The following TDP1 variants were observed in gnomAD, a reference collection of about 807,000 sequenced individuals.
TDP1 encodes the protein tyr-DNA phosphodiesterase 1.
In TDP1, 64 loss-of-function variants were observed where a neutral mutation model predicts 81.5. The observed-to-expected ratio is 0.79, with a 90% CI of 0.64 to 0.97. TDP1 has a LOEUF of 0.97. Among genes scored for constraint, TDP1 ranks in the 50% least tolerant of loss-of-function variants. The pLI, the probability that TDP1 is intolerant of heterozygous loss-of-function variation, is 0.00. For missense variants in TDP1, 723 were observed against 743.8 expected (o/e 0.97, Z 0.33); for synonymous variants, 256 against 264.3 (o/e 0.97, Z 0.30).
intron 16 of TDP1, among the ~76,000 whole-genome samples, chr14:90,038,079 G>A (rs1355852684): frequency 6.6e-6 from 1 of 152,178 alleles, no homozygotes; most frequent in Non-Finnish European, 1.5e-5. Flanking sequence ...ATATCAGGAG[G>A]CACATCCTAT....
intron 3 of TDP1, chr14:89,965,736 T>G: frequency 3.1e-6 from 3 of 982,922 alleles, no homozygotes; most frequent in Non-Finnish European, 3.6e-6. Flanking sequence ...TTCTAAACTG[T>G]CCACATTTAT....
At chr14:90,028,954 A>G (rs2140305584) in intron 15 of TDP1, among the ~76,000 whole-genome samples, 1 of 152,284 alleles carries the variant, frequency 6.6e-6, no homozygotes, top group East Asian at 1.9e-4. Context: ...AAACTCCATA[A>G]AAGTATAATA....
At chr14:90,000,115 T>G (rs1897062152) in intron 14 of TDP1, among the ~76,000 whole-genome samples, 1 of 152,160 alleles carries the variant, frequency 6.6e-6, no homozygotes, top group African/African-American at 2.4e-5. Context: ...CCTGCTTTCT[T>G]GTTGGCTGTC....
At chr14:90,042,872 T>C (rs1012152527) in intron 16 of TDP1, 198 bp from the exon 17 acceptor site, 99 of 985,276 alleles carry the variant, frequency 1.0e-4, no homozygotes, top group Non-Finnish European at 1.1e-4. Flanking sequence ...TCATTCCCCA[T>C]GTTCACTCAC....
At chr14:89,986,452 AGTT>A (rs1895567767) in intron 10 of TDP1, among the ~76,000 whole-genome samples, 1 of 152,248 alleles carries the variant, frequency 6.6e-6, no homozygotes, top group Non-Finnish European at 1.5e-5. Context: ...GCACATACAC[AGTT>A]GTTTGTGGAC....
chr14:90,015,746 A>T (rs1053807645), intron 14 of TDP1, among the ~76,000 whole-genome samples: 1 of 152,116 alleles, frequency 6.6e-6, no homozygotes, highest in Non-Finnish European at 1.5e-5. Context: ...AGTCTCATTC[A>T]TGAGGACCCC....
At chr14:90,021,079 A>G (rs1886035707) in intron 15 of TDP1, among the ~76,000 whole-genome samples, 1 of 152,088 alleles carries the variant, frequency 6.6e-6, no homozygotes, top group Admixed American at 6.5e-5. Flanking sequence ...GGTGTGTGCC[A>G]CTGCTTAATC....
intron 4 of TDP1, 24 bp downstream of exon 4, chr14:89,966,214 T>C: frequency 6.5e-7 from 1 of 1,536,324 alleles, no homozygotes; most frequent in Non-Finnish European, 9.0e-7. Flanking sequence ...TAAGCTGTTT[T>C]TTCTTTGGGT....
rs34042183 is a variant in TDP1, at chr14:89,975,970, C to T, written c.791+155C>T. Among the ~76,000 whole-genome samples the T allele has an allele frequency of 0.038, 5,796 of 152,224 alleles. 372 individuals carry two copies. The highest frequency in any genetic ancestry group is 0.13 in the African/African-American group (5,436 of 41,514). On this transcript the variant is annotated intron_variant, in intron 7 of 16. Transcript: ENST00000335725. Reference sequence around the variant, plus strand: ...GGGGGAGCTATTCTTTTATTTAATGCTCTTATAAAAATTATTTGGTCTTTC... The same window carrying T: ...GGGGGAGCTATTCTTTTATTTAATGTTCTTATAAAAATTATTTGGTCTTTC...
rs12894462 is a variant in TDP1 at position 89,991,716 on chromosome 14, C to T, written c.1367-201C>T. On this transcript the variant is annotated intron_variant, in intron 12 of 16. Coordinates refer to ENST00000335725, the MANE Select transcript of TDP1 (RefSeq NM_018319.4). ...TTATAAGATTTGCATAAAGTTAATA[C>T]TGAAGGAAGGAAACCTCGTTAAGAG... 19,685 of 936,470 alleles carry T rather than the reference C, an allele frequency of 0.021. 252 individuals are homozygous for T. Among genetic ancestry groups the T allele is most frequent in the Non-Finnish European group, 0.024 (18,519 of 785,346 alleles). 58.0% of individuals were successfully genotyped at this position (936,470 alleles called of 1,614,324 possible).
Position 90,029,130 on chromosome 14 carries a change from T to C in TDP1, c.1645-3976T>C, listed in dbSNP as rs114570589. Among the ~76,000 whole-genome samples, 797 of 152,214 alleles carry C rather than the reference T, an allele frequency of 5.2e-3. 8 individuals are homozygous for C. Among genetic ancestry groups the C allele is most frequent in the African/African-American group, 0.019 (769 of 41,526 alleles). The stretch of plus-strand genomic sequence containing the variant: ...GGTGGTGAATGTGAGACCATTTGTT[T>C]GCTTGGTGGAAGGAATGTAGGACCA... On this transcript the variant is annotated intron_variant, in intron 15 of 16. Transcript: ENST00000335725.
intron 15 of TDP1, among the ~76,000 whole-genome samples, chr14:90,026,243 C>G (rs1013415140): frequency 2.0e-5 from 3 of 152,252 alleles, no homozygotes; most frequent in South Asian, 2.1e-4. Context: ...TCTTCTTCCT[C>G]CTGACACCAA....
At chr14:89,978,596 C>G (rs1239980107) in intron 7 of TDP1, among the ~76,000 whole-genome samples, 1 of 152,230 alleles carries the variant, frequency 6.6e-6, no homozygotes, top group African/African-American at 2.4e-5. Flanking sequence ...ACCTTATTAA[C>G]ACTACCATTT....
At chr14:89,962,062 G>A (rs925541007) in intron 2 of TDP1, among the ~76,000 whole-genome samples, 3 of 152,254 alleles carry the variant, frequency 2.0e-5, no homozygotes, top group Non-Finnish European at 2.9e-5. Context: ...TGACTGTTTC[G>A]TGTACTTTCC....
intron 6 of TDP1, among the ~76,000 whole-genome samples, chr14:89,971,737 T>C (rs1453111151): frequency 6.6e-6 from 1 of 152,228 alleles, no homozygotes. Context: ...AGTATGCCTG[T>C]TGAAACCTGG....
intron 14 of TDP1, among the ~76,000 whole-genome samples, chr14:90,002,230 A>G (rs571279852): frequency 6.6e-6 from 1 of 152,312 alleles, no homozygotes; most frequent in East Asian, 1.9e-4. Flanking sequence ...GGGTCCACAG[A>G]TGGTGACATT....
At chr14:90,033,525 C>A in intron 16 of TDP1, 1 of 379,172 alleles carries the variant, frequency 2.6e-6, no homozygotes, top group Non-Finnish European at 5.1e-6. Context: ...TACTGAGCAC[C>A]ATAGCTTAGT....
chr14:90,019,489 A>G, intron 15 of TDP1, 71 bp downstream of exon 15: 1 of 853,850 alleles, frequency 1.2e-6, no homozygotes. Flanking sequence ...CTCTTCCTTT[A>G]GTCACAACAG....
intron 14 of TDP1, among the ~76,000 whole-genome samples, chr14:90,015,630 C>T (rs376177937): frequency 8.5e-5 from 13 of 152,272 alleles, no homozygotes; most frequent in East Asian, 7.7e-4. Flanking sequence ...GGCCAGGTAC[C>T]GGTGAGGGCC....
Sources: allele counts gnomAD v4.1 joint callset (sites outside exome capture counted in the v4.1 genomes callset), GRCh38; gene constraint gnomAD v4.1.1; transcripts MANE v1.5; gene names NCBI Gene and HGNC (gene_info 2026-07-23, HGNC 2026-07-21).